The following ANKIB1 variants were observed in gnomAD, a reference collection of about 807,000 sequenced individuals.
The protein encoded by ANKIB1 is ankyrin repeat and IBR domain-containing protein 1.
In ANKIB1, 43 loss-of-function variants were observed where a neutral mutation model predicts 122.1. The ratio of observed to expected loss-of-function variants is 0.35; its 90% CI spans 0.28 to 0.45. The LOEUF is 0.45. Among genes scored for constraint, ANKIB1 ranks in the 20% least tolerant of loss-of-function variants. The pLI is 1.00. For synonymous variants in ANKIB1, 390 were observed against 442.0 expected (o/e 0.88, Z 1.48); for missense variants, 992 against 1,329.5 (o/e 0.75, Z 3.95).
chr7:92,280,617 C>T (rs1265469997), intron 1 of ANKIB1, among the ~76,000 whole-genome samples: 1 of 152,146 alleles, frequency 6.6e-6, no homozygotes, highest in Non-Finnish European at 1.5e-5. Flanking sequence ...CTCCTCCTAT[C>T]TCAGGAAAGA....
intron 16 of ANKIB1, 115 bp downstream of exon 16, chr7:92,391,459 G>T: frequency 1.1e-6 from 1 of 925,518 alleles, no homozygotes; most frequent in Non-Finnish European, 1.5e-6. Flanking sequence ...CCTAAAATAT[G>T]GATAGCTCAT....
At chr7:92,359,817 G>A (rs535383929) in intron 9 of ANKIB1, among the ~76,000 whole-genome samples, 22 of 152,298 alleles carry the variant, frequency 1.4e-4, no homozygotes, top group African/African-American at 5.3e-4. Flanking sequence ...GCTATTCACA[G>A]AGTGGTAATA....
intron 11 of ANKIB1, among the ~76,000 whole-genome samples, chr7:92,373,990 G>T (rs1804328114): frequency 6.6e-6 from 1 of 152,118 alleles, no homozygotes; most frequent in African/African-American, 2.4e-5. Context: ...AGATTTAAAT[G>T]CCATAATTAC....
intron 15 of ANKIB1, among the ~76,000 whole-genome samples, chr7:92,390,934 A>C (rs970359399): frequency 6.6e-6 from 1 of 152,154 alleles, no homozygotes; most frequent in Non-Finnish European, 1.5e-5. Flanking sequence ...ATGCCTATCA[A>C]ATGAGCGCTT....
At chr7:92,386,176 A>T (rs1350872328) in intron 11 of ANKIB1, among the ~76,000 whole-genome samples, 1 of 152,210 alleles carries the variant, frequency 6.6e-6, no homozygotes, top group South Asian at 2.1e-4. Context: ...GTGGAGCTTT[A>T]TATACAAATG....
At chr7:92,367,707 G>A (rs954916708) in intron 10 of ANKIB1, among the ~76,000 whole-genome samples, 8 of 152,162 alleles carry the variant, frequency 5.3e-5, no homozygotes, top group Non-Finnish European at 1.2e-4. Context: ...AATAGTGTTC[G>A]TTAAGCACTG....
intron 4 of ANKIB1, among the ~76,000 whole-genome samples, chr7:92,320,701 C>CTTCA (rs1412965875): frequency 6.6e-6 from 1 of 152,180 alleles, no homozygotes; most frequent in African/African-American, 2.4e-5. Flanking sequence ...CCCTCACCAC[C>CTTCA]TTCACTTCTT....
intron 7 of ANKIB1, among the ~76,000 whole-genome samples, chr7:92,347,148 T>A (rs1392917787): frequency 6.6e-6 from 1 of 152,216 alleles, no homozygotes; most frequent in Non-Finnish European, 1.5e-5. Flanking sequence ...CTTCCCAAAC[T>A]TTTTATTAGT....
At chr7:92,323,641 C>G (rs1015623861) in intron 4 of ANKIB1, among the ~76,000 whole-genome samples, 2 of 152,064 alleles carry the variant, frequency 1.3e-5, no homozygotes, top group Admixed American at 1.3e-4. Context: ...CCTATATTAC[C>G]TGGATGTTTA....
At chr7:92,385,787 A>G (rs192938286) in intron 11 of ANKIB1, among the ~76,000 whole-genome samples, 338 of 152,252 alleles carry the variant, frequency 2.2e-3, no homozygotes, top group Middle Eastern at 6.8e-3. Context: ...TGTAAATGAC[A>G]AGTTAGTGGG....
At chr7:92,292,992 A>T (rs975145826) in intron 1 of ANKIB1, among the ~76,000 whole-genome samples, 5 of 152,230 alleles carry the variant, frequency 3.3e-5, no homozygotes, top group Non-Finnish European at 7.3e-5. Flanking sequence ...AATAACGCTT[A>T]AAAAACCCAA....
intron 2 of ANKIB1, among the ~76,000 whole-genome samples, chr7:92,302,918 A>G (rs959791754): frequency 8.5e-5 from 13 of 152,176 alleles, no homozygotes; most frequent in African/African-American, 3.1e-4. Context: ...CCTGGCAAAT[A>G]ATGAATGCTC....
intron 17 of ANKIB1, among the ~76,000 whole-genome samples, chr7:92,395,442 A>G (rs1173503730): frequency 6.6e-6 from 1 of 152,138 alleles, no homozygotes; most frequent in African/African-American, 2.4e-5. Flanking sequence ...AGTCCCAAAG[A>G]ATAGAAAATC....
chr7:92,350,801 G>A (rs1237684683), intron 7 of ANKIB1, 149 bp from the exon 8 acceptor site: 6 of 701,134 alleles, frequency 8.6e-6, no homozygotes, highest in Non-Finnish European at 1.4e-5. Context: ...AGGCTACAGT[G>A]ATCTGTGATC....
chr7:92,391,087 A>G (rs1167772990), intron 15 of ANKIB1, 79 bp from the exon 16 acceptor site: 1 of 1,244,282 alleles, frequency 8.0e-7, no homozygotes, highest in Non-Finnish European at 1.1e-6. Context: ...GATTTAACTG[A>G]GAAACCACAT....
At chr7:92,315,674 G>C (rs963185500) in intron 3 of ANKIB1, among the ~76,000 whole-genome samples, 1 of 152,170 alleles carries the variant, frequency 6.6e-6, no homozygotes, top group Non-Finnish European at 1.5e-5. Flanking sequence ...GCTGCAGAAA[G>C]CTAAAGGAAT....
chr7:92,252,168 G>A (rs1012469131), intron 1 of ANKIB1, among the ~76,000 whole-genome samples: 1 of 152,138 alleles, frequency 6.6e-6, no homozygotes, highest in Non-Finnish European at 1.5e-5. Flanking sequence ...ATATTGGCAA[G>A]ATTATATTTG....
intron 4 of ANKIB1, chr7:92,325,824 T>C (rs570418380): frequency 6.6e-5 from 20 of 303,220 alleles, no homozygotes; most frequent in Non-Finnish European, 1.2e-4. Context: ...TGTTTCACAA[T>C]CTTTCAATGG....
At chr7:92,298,955 G>T (rs1802409028) in intron 2 of ANKIB1, among the ~76,000 whole-genome samples, 1 of 152,192 alleles carries the variant, frequency 6.6e-6, no homozygotes, top group African/African-American at 2.4e-5. Flanking sequence ...AAGCACACCT[G>T]TGCTGTTGTT....
Sources: gnomAD v4.1 joint callset for allele counts (sites outside exome capture counted in the v4.1 genomes callset) on GRCh38, gnomAD v4.1.1 for gene constraint, MANE v1.5 for transcripts, NCBI Gene and HGNC (gene_info 2026-07-23, HGNC 2026-07-21) for gene names.